ZNF331: variants seen among roughly 807,000 people sequenced by gnomAD.
The protein encoded by ZNF331 is zinc finger protein 331.
In ZNF331, 2 loss-of-function variants were observed where a neutral mutation model predicts 7.0. The observed-to-expected ratio is 0.29, with a 90% confidence interval of 0.12 to 0.90. The LOEUF (loss-of-function observed/expected upper bound fraction) is 0.90, where lower values mean the gene tolerates loss of function less well. ZNF331 is among the 40% of genes least tolerant of loss of function. The pLI is 0.58. For synonymous variants in ZNF331, 196 were observed against 205.4 expected (o/e 0.95, Z 0.39); for missense variants, 432 against 587.7 (o/e 0.74, Z 2.74).
At chr19:53,526,734 A>T (rs555189407) in intron 2 of ZNF331, among the ~76,000 whole-genome samples, 19 of 151,620 alleles carry the variant, frequency 1.3e-4, no homozygotes, top group Non-Finnish European at 2.7e-4. Flanking sequence ...TTGTATTATT[A>T]GTAGAGACGG....
In ZNF331 at chr19:53,548,854, C is replaced by CT. The variant is rs796513820; in HGVS notation, c.-137-6980dup. Among the ~76,000 whole-genome samples, 223 of 145,286 alleles carry CT rather than the reference C, an allele frequency of 1.5e-3. 3 individuals are homozygous for CT. In the East Asian group the frequency reaches 0.018, roughly 11 times the overall value. The stretch of plus-strand genomic sequence containing the variant: ...TCATTTTTCTTTTTTTCTTTTTCTT[C>CT]TTTTTTTTTTTGAGACCAAGTCTCA... On this transcript the variant is annotated intron_variant, in intron 2 of 5. Coordinates refer to ENST00000449416, the MANE Select transcript of ZNF331 (RefSeq NM_001079906.2).
intron 2 of ZNF331, among the ~76,000 whole-genome samples, chr19:53,543,891 A>G (rs1310830210): frequency 6.6e-6 from 1 of 152,178 alleles, no homozygotes; most frequent in Non-Finnish European, 1.5e-5. Flanking sequence ...CCCAAATTAT[A>G]TACACCTTTT....
At chr19:53,517,362 A>C (rs746354066), upstream of ZNF331, among the ~76,000 whole-genome samples, 3 of 152,108 alleles carry the variant, frequency 2.0e-5, no homozygotes, top group Non-Finnish European at 2.9e-5. Context: ...GCATCCAAGC[A>C]GATAAGGACA....
chr19:53,572,587 ATATAT>A (rs1600494114), intron 5 of ZNF331, among the ~76,000 whole-genome samples: 2 of 62,572 alleles, frequency 3.2e-5, no homozygotes, highest in Admixed American at 2.6e-4. Flanking sequence ...ATATACACAT[ATATAT>A]TATATATACA....
chr19:53,543,195 C>T (rs2088303203), intron 2 of ZNF331, among the ~76,000 whole-genome samples: 1 of 152,120 alleles, frequency 6.6e-6, no homozygotes, highest in African/African-American at 2.4e-5. Flanking sequence ...GGCTGTGAGG[C>T]AGGAGGATCG....
At chr19:53,518,423 T>C (rs2037033394), upstream of ZNF331, among the ~76,000 whole-genome samples, 1 of 152,172 alleles carries the variant, frequency 6.6e-6, no homozygotes, top group African/African-American at 2.4e-5. Context: ...TGGCCTATCA[T>C]GGGACTGGGC....
intron 2 of ZNF331, among the ~76,000 whole-genome samples, chr19:53,542,325 G>A (rs937863578): frequency 2.0e-5 from 3 of 152,136 alleles, no homozygotes; most frequent in Non-Finnish European, 4.4e-5. Flanking sequence ...AAGAAAGACA[G>A]CCTTTTAGAA....
chr19:53,504,842 G>A, the ZNF331 span, among the ~76,000 whole-genome samples: 1 of 152,134 alleles, frequency 6.6e-6, no homozygotes, highest in African/African-American at 2.4e-5. Flanking sequence ...GTTCTTCACC[G>A]GTGTGGTTAG....
At chr19:53,540,865 C>T (rs560621229) in intron 2 of ZNF331, among the ~76,000 whole-genome samples, 4 of 152,312 alleles carry the variant, frequency 2.6e-5, no homozygotes, top group African/African-American at 9.6e-5. Context: ...TCACGTCACT[C>T]TGACCCTACT....
intron 3 of ZNF331, among the ~76,000 whole-genome samples, chr19:53,557,357 C>T (rs1421621306): frequency 4.6e-5 from 7 of 152,248 alleles, no homozygotes; most frequent in Middle Eastern, 6.8e-3. Flanking sequence ...AGGTTGCAGG[C>T]GACCACCCTC....
At chr19:53,506,446 C>CTCTCTG in the ZNF331 span, among the ~76,000 whole-genome samples, 8 of 39,330 alleles carry the variant, frequency 2.0e-4, no homozygotes, top group Admixed American at 5.4e-4. Context: ...CTCTCTCTGT[C>CTCTCTG]TCTCTCTCTC....
At chr19:53,531,872 T>A (rs191115625) in intron 2 of ZNF331, among the ~76,000 whole-genome samples, 2 of 152,346 alleles carry the variant, frequency 1.3e-5, no homozygotes, top group African/African-American at 4.8e-5. Context: ...TGTAAAACGT[T>A]CAGCAGTAAA....
chr19:53,537,905 C>G (rs982213589), upstream of ZNF331: 6 of 151,936 alleles, frequency 3.9e-5, no homozygotes, highest in African/African-American at 1.5e-4. Context: ...GGCATCTGTG[C>G]GTGCGCACAC....
chr19:53,510,238 T>G, the ZNF331 span, among the ~76,000 whole-genome samples: 2 of 152,318 alleles, frequency 1.3e-5, no homozygotes, highest in East Asian at 1.9e-4. Flanking sequence ...AGATAGGCTT[T>G]CTTTCTTCTG....
intron 2 of ZNF331, among the ~76,000 whole-genome samples, chr19:53,552,167 C>T (rs1462946962): frequency 6.6e-6 from 1 of 152,172 alleles, no homozygotes. Flanking sequence ...ACACATGATT[C>T]ATCCTCTTGC....
chr19:53,529,887 C>T (rs3974961), intron 2 of ZNF331, among the ~76,000 whole-genome samples: 39,735 of 151,840 alleles, frequency 0.26, 6,110 homozygotes, highest in African/African-American at 0.43. Flanking sequence ...GGTGATGTAC[C>T]TTGAGAGGTG....
chr19:53,529,921 C>T (rs1327025880), intron 2 of ZNF331, among the ~76,000 whole-genome samples: 1 of 152,146 alleles, frequency 6.6e-6, no homozygotes, highest in Non-Finnish European at 1.5e-5. Context: ...ATCATTCTGA[C>T]AGCACCCGCT....
upstream of ZNF331, among the ~76,000 whole-genome samples, chr19:53,517,368 G>A (rs1183898984): frequency 6.6e-6 from 1 of 152,044 alleles, no homozygotes; most frequent in Non-Finnish European, 1.5e-5. Flanking sequence ...AAGCAGATAA[G>A]GACATAAACA....
intron 3 of ZNF331, among the ~76,000 whole-genome samples, chr19:53,561,850 CAAA>C (rs958324280): frequency 4.0e-5 from 6 of 150,840 alleles, no homozygotes; most frequent in African/African-American, 1.5e-4. Context: ...GAGACCATCT[CAAA>C]AAAAAACTAG....
Sources: allele counts gnomAD v4.1 joint callset (sites outside exome capture counted in the v4.1 genomes callset), GRCh38; gene constraint gnomAD v4.1.1; transcripts MANE v1.5; gene names NCBI Gene and HGNC (gene_info 2026-07-23, HGNC 2026-07-21).